Variants in MAGI2 observed in about 807,000 individuals in gnomAD.
MAGI2 encodes the protein membrane associated guanylate kinase, WW and PDZ domain containing 2.
MAGI2 carries 35 observed loss-of-function variants against 133.3 expected under a neutral mutation model. The observed-to-expected ratio is 0.26, with a 90% CI of 0.20 to 0.35. MAGI2 has a LOEUF of 0.35. Among genes scored for constraint, MAGI2 ranks in the 10% least tolerant of loss-of-function variants. The probability of loss-of-function intolerance (pLI) is 1.00; values close to 1 mark genes in which losing one functional copy is unlikely to be tolerated. For synonymous variants in MAGI2, 729 were observed against 710.6 expected, an observed-to-expected ratio of 1.03 and a Z score of -0.41; for missense variants, 1,636 against 1,863.4, an observed-to-expected ratio of 0.88 and a Z score of 2.25.
chr7:78,958,123 T>A (rs1802553012), intron 2 of MAGI2, among the ~76,000 whole-genome samples: 1 of 152,176 alleles, frequency 6.6e-6, no homozygotes, highest in African/African-American at 2.4e-5. Context: ...TTATCTTCTT[T>A]GAAGCCCTGC....
At chr7:78,083,390 GAGAGAGAGA>G (rs1816244457) in intron 20 of MAGI2, among the ~76,000 whole-genome samples, 10 of 17,214 alleles carry the variant, frequency 5.8e-4, no homozygotes, top group South Asian at 3.1e-3. Flanking sequence ...GAGGGGGGGA[GAGAGAGAGA>G]GAGAGAGAGA....
At chr7:78,839,944 A>G (rs1223403641) in intron 2 of MAGI2, among the ~76,000 whole-genome samples, 3 of 152,104 alleles carry the variant, frequency 2.0e-5, no homozygotes, top group African/African-American at 7.2e-5. Context: ...CAAAGATGTC[A>G]TTAACTCTAC....
intron 7 of MAGI2, among the ~76,000 whole-genome samples, chr7:78,365,471 C>T (rs1793282970): frequency 6.6e-6 from 1 of 152,184 alleles, no homozygotes. Context: ...TTCAGCCCCT[C>T]ATCTCAATAA....
chr7:79,236,654 T>C (rs1831945639), intron 1 of MAGI2, among the ~76,000 whole-genome samples: 1 of 152,262 alleles, frequency 6.6e-6, no homozygotes, highest in African/African-American at 2.4e-5. Context: ...GGACTCTAAG[T>C]TCTGTTCCAG....
intron 1 of MAGI2, among the ~76,000 whole-genome samples, chr7:79,151,889 T>C (rs1823282272): frequency 1.2e-5 from 1 of 84,346 alleles, no homozygotes; most frequent in African/African-American, 2.9e-5. Flanking sequence ...GTACTTCAGG[T>C]GTCTAAAGTC....
At chr7:78,639,129 T>G (rs1268027078) in intron 2 of MAGI2, among the ~76,000 whole-genome samples, 1 of 152,160 alleles carries the variant, frequency 6.6e-6, no homozygotes, top group Non-Finnish European at 1.5e-5. Flanking sequence ...TTATCACTGT[T>G]AGAATCTTGC....
intron 9 of MAGI2, among the ~76,000 whole-genome samples, chr7:78,322,926 G>T (rs181218529): frequency 6.6e-6 from 1 of 151,966 alleles, no homozygotes; most frequent in Admixed American, 6.6e-5. Context: ...ACACTGAAAG[G>T]TGAAGAATGC....
At chr7:79,409,637 G>A (rs1468884053) in intron 1 of MAGI2, among the ~76,000 whole-genome samples, 1 of 152,068 alleles carries the variant, frequency 6.6e-6, no homozygotes, top group Non-Finnish European at 1.5e-5. Context: ...AAAGAGTTAA[G>A]CAAAACACTT....
intron 9 of MAGI2, among the ~76,000 whole-genome samples, chr7:78,286,327 C>T (rs771055174): frequency 1.3e-5 from 2 of 152,068 alleles, no homozygotes; most frequent in African/African-American, 4.8e-5. Context: ...GTAAGAAGCT[C>T]ATCATCTACT....
chr7:78,085,663 T>C (rs1816564795), intron 20 of MAGI2, among the ~76,000 whole-genome samples: 1 of 151,510 alleles, frequency 6.6e-6, no homozygotes, highest in African/African-American at 2.4e-5. Flanking sequence ...ATGACCCTTA[T>C]GGATGCACAG....
intron 2 of MAGI2, 196 bp downstream of exon 2, chr7:79,006,894 G>T (rs1807505513): frequency 2.3e-6 from 1 of 443,850 alleles, no homozygotes. Context: ...GTTTCTTCTG[G>T]CTACAACTTC....
intron 9 of MAGI2, among the ~76,000 whole-genome samples, chr7:78,259,461 A>T (rs1014869235): frequency 1.3e-5 from 2 of 152,178 alleles, no homozygotes; most frequent in Non-Finnish European, 2.9e-5. Context: ...AACGAATGAG[A>T]TCATACAGGT....
At chr7:78,132,758 A>G (rs1203948827) in intron 18 of MAGI2, 131 bp downstream of exon 18, 5 of 1,334,580 alleles carry the variant, frequency 3.7e-6, no homozygotes, top group Middle Eastern at 1.9e-4. Context: ...TCGAAATCAC[A>G]CAAAGGTATG....
chr7:78,380,659 A>C (rs1794840773), intron 6 of MAGI2, among the ~76,000 whole-genome samples: 1 of 152,134 alleles, frequency 6.6e-6, no homozygotes, highest in Admixed American at 6.6e-5. Context: ...GATAGAATGA[A>C]TAAGATTTAG....
At chr7:79,027,577 G>A (rs970275726) in intron 1 of MAGI2, among the ~76,000 whole-genome samples, 4 of 151,884 alleles carry the variant, frequency 2.6e-5, no homozygotes, top group Non-Finnish European at 5.9e-5. Flanking sequence ...CAAAATCTCC[G>A]TGAAATAGAA....
rs574217100 is a variant in MAGI2 at position 78,766,940 on chromosome 7, C to T, written c.419-139701G>A. ...AATGTACAGTACATGTATACTTTAA[C>T]CTCTGATATCTGTGAAACGCTTACG... On this transcript the variant is annotated intron_variant, in intron 2 of 21. Coordinates refer to ENST00000354212, the MANE Select transcript of MAGI2 (RefSeq NM_012301.4). 3.3e-5 allele frequency among the ~76,000 whole-genome samples: 5 copies of T among 152,036 alleles called. No homozygotes were observed. The South Asian group carries it at 1.0e-3, about 32-fold the overall frequency.
intron 1 of MAGI2, among the ~76,000 whole-genome samples, chr7:79,073,030 CA>C (rs1815132380): frequency 6.6e-6 from 1 of 151,688 alleles, no homozygotes; most frequent in Non-Finnish European, 1.5e-5. Context: ...AAGACAAAAA[CA>C]AAAACAAACA....
At chr7:78,963,193 C>T (rs1485979522) in intron 2 of MAGI2, among the ~76,000 whole-genome samples, 1 of 152,054 alleles carries the variant, frequency 6.6e-6, no homozygotes, top group Non-Finnish European at 1.5e-5. Flanking sequence ...ACTATACTGG[C>T]AGAAATAAGT....
intron 2 of MAGI2, among the ~76,000 whole-genome samples, chr7:78,652,395 A>G (rs968117604): frequency 1.4e-4 from 22 of 152,234 alleles, no homozygotes; most frequent in Non-Finnish European, 2.4e-4. Context: ...GGCTACAGTA[A>G]TGAAAACAGC....
Sources: gnomAD v4.1 joint callset for allele counts (sites outside exome capture counted in the v4.1 genomes callset) on GRCh38, gnomAD v4.1.1 for gene constraint, MANE v1.5 for transcripts, NCBI Gene and HGNC (gene_info 2026-07-23, HGNC 2026-07-21) for gene names.